Variants in SYT1 observed in about 807,000 individuals in gnomAD.
SYT1 encodes synaptotagmin 1, also known as synaptotagmin-1.
In SYT1, 8 loss-of-function variants were observed where a neutral mutation model predicts 44.8. The ratio of observed to expected loss-of-function variants is 0.18; its 90% CI spans 0.10 to 0.32. The LOEUF (loss-of-function observed/expected upper bound fraction) is 0.32. Ranked by LOEUF, SYT1 falls within the 10% of genes least tolerant of loss-of-function variation. The pLI is 1.00. For missense variants in SYT1, 286 were observed against 509.3 expected (o/e 0.56, Z 4.22); for synonymous variants, 154 against 188.8 (o/e 0.82, Z 1.51).
At chr12:79,006,763 A>C (rs1047148717) in intron 2 of SYT1, among the ~76,000 whole-genome samples, 2 of 152,012 alleles carry the variant, frequency 1.3e-5, no homozygotes, top group Non-Finnish European at 2.9e-5. Context: ...AAAGGGGAGG[A>C]TCCTGCAACA....
At chr12:79,078,758 G>GCC (rs1453103988) in intron 3 of SYT1, among the ~76,000 whole-genome samples, 3 of 152,002 alleles carry the variant, frequency 2.0e-5, no homozygotes, top group Non-Finnish European at 4.4e-5. Context: ...TGAAAAAACT[G>GCC]CCTTTTAAGA....
intron 3 of SYT1, among the ~76,000 whole-genome samples, chr12:79,070,729 A>G (rs1315684771): frequency 1.3e-5 from 2 of 152,114 alleles, no homozygotes; most frequent in Admixed American, 6.6e-5. Context: ...TGAAGAGGAA[A>G]GACAGCGACA....
chr12:78,913,490 A>G (rs1291925704), intron 1 of SYT1, among the ~76,000 whole-genome samples: 1 of 151,784 alleles, frequency 6.6e-6, no homozygotes, highest in African/African-American at 2.4e-5. Flanking sequence ...AAATCCATAC[A>G]TGCTTCAAAA....
Position 78,971,353 on chromosome 12 carries a change from T to A in SYT1, c.-216-6446T>A, listed in dbSNP as rs575999938. 2.0e-5 allele frequency among the ~76,000 whole-genome samples: 3 copies of A among 152,292 alleles called. No homozygotes were observed. In the South Asian group the frequency reaches 6.2e-4, roughly 32 times the overall value. On this transcript the variant is annotated intron_variant, in intron 1 of 10. Transcript: ENST00000261205. ...AAGAAATACATTCATCTGTCCTCAC[T>A]AACAAAGGACTAGAGAAAGTGAAGG...
At chr12:79,328,151 G>A (rs1303458756) in intron 8 of SYT1, among the ~76,000 whole-genome samples, 1 of 152,174 alleles carries the variant, frequency 6.6e-6, no homozygotes, top group Non-Finnish European at 1.5e-5. Flanking sequence ...ATATGGCTGT[G>A]AAGACAGAAT....
chr12:79,293,325 AAAAATAAAATAAAATAAAAT>A (rs71091659), intron 6 of SYT1, among the ~76,000 whole-genome samples: 9,146 of 111,364 alleles, frequency 0.082, 700 homozygotes, highest in Non-Finnish European at 0.097. Flanking sequence ...CTCCATCTCA[AAAAATAAAATAAAATAAAAT>A]AAAATAAAAT....
At chr12:79,163,491 AGTC>A (rs1191303730) in intron 3 of SYT1, among the ~76,000 whole-genome samples, 1 of 152,072 alleles carries the variant, frequency 6.6e-6, no homozygotes, top group Non-Finnish European at 1.5e-5. Context: ...ACTTTATGTA[AGTC>A]GTCTCCTATA....
At position 79,091,923 on chromosome 12, in the gene SYT1, G is replaced by A. The variant is rs554283639; in HGVS notation, c.-18+44561G>A. 1.3e-4 allele frequency among the ~76,000 whole-genome samples: 20 copies of A among 152,050 alleles called. No homozygotes were observed. The South Asian group carries it at 4.1e-3, about 31-fold the overall frequency. ...ATAATTTACAGAAGTACAGCAAAATGATGATTAATCATATAAGCTCATTTT... is the reference window on the plus strand; with the variant it reads ...ATAATTTACAGAAGTACAGCAAAATAATGATTAATCATATAAGCTCATTTT... On this transcript the variant is annotated intron_variant, in intron 3 of 10. Coordinates refer to ENST00000261205, the MANE Select transcript of SYT1 (RefSeq NM_005639.3).
At chr12:79,254,495 G>A (rs965603083) in intron 4 of SYT1, among the ~76,000 whole-genome samples, 1 of 152,202 alleles carries the variant, frequency 6.6e-6, no homozygotes, top group African/African-American at 2.4e-5. Flanking sequence ...GGAGATTGAT[G>A]TTGTTTTCAT....
At chr12:79,347,041 C>CTT (rs59524429) in intron 8 of SYT1, among the ~76,000 whole-genome samples, 35 of 125,940 alleles carry the variant, frequency 2.8e-4, no homozygotes, top group East Asian at 1.4e-3. Flanking sequence ...TTTGTTTTTT[C>CTT]TTTTTTTTTT....
intron 1 of SYT1, among the ~76,000 whole-genome samples, chr12:78,890,026 T>G (rs565754644): frequency 3.0e-4 from 45 of 152,064 alleles, no homozygotes; most frequent in Non-Finnish European, 4.1e-4. Flanking sequence ...GGCCTCTGTT[T>G]TATTTGATTA....
At chr12:79,172,542 GT>G (rs1871591996) in intron 3 of SYT1, among the ~76,000 whole-genome samples, 2 of 151,806 alleles carry the variant, frequency 1.3e-5, no homozygotes, top group Non-Finnish European at 2.9e-5. Context: ...TATGTTACTA[GT>G]TTTGCTTTCT....
At chr12:79,191,761 T>A (rs1873140874) in intron 3 of SYT1, among the ~76,000 whole-genome samples, 1 of 152,104 alleles carries the variant, frequency 6.6e-6, no homozygotes, top group African/African-American at 2.4e-5. Flanking sequence ...CACACATACA[T>A]AACATCTCCT....
At chr12:79,222,711 C>T (rs552746778) in intron 4 of SYT1, among the ~76,000 whole-genome samples, 2 of 152,256 alleles carry the variant, frequency 1.3e-5, no homozygotes, top group East Asian at 1.9e-4. Context: ...CACTCTTTGT[C>T]TCTGTCTTCT....
chr12:79,324,845 TTA>T (rs1268594206), intron 8 of SYT1, among the ~76,000 whole-genome samples: 1 of 152,138 alleles, frequency 6.6e-6, no homozygotes, highest in African/African-American at 2.4e-5. Context: ...ACATAAAGAC[TTA>T]TACCCTGGAA....
intron 3 of SYT1, among the ~76,000 whole-genome samples, chr12:79,167,682 C>G (rs7978972): frequency 8.4e-4 from 128 of 152,092 alleles, no homozygotes; most frequent in African/African-American, 2.9e-3. Flanking sequence ...TGTGGCTATA[C>G]TTTCCCCCAA....
At chr12:79,127,408 T>A (rs1868508668) in intron 3 of SYT1, among the ~76,000 whole-genome samples, 2 of 151,700 alleles carry the variant, frequency 1.3e-5, no homozygotes, top group South Asian at 4.1e-4. Context: ...CGAAACAGAT[T>A]GTGGTTCTAG....
chr12:79,265,677 C>T (rs561948236), intron 4 of SYT1, among the ~76,000 whole-genome samples: 2 of 152,176 alleles, frequency 1.3e-5, no homozygotes, highest in South Asian at 2.1e-4. Context: ...CCAATGTTAT[C>T]ATCTTTAAAA....
chr12:78,946,197 G>T (rs2137273045), intron 1 of SYT1, among the ~76,000 whole-genome samples: 1 of 152,204 alleles, frequency 6.6e-6, no homozygotes, highest in African/African-American at 2.4e-5. Flanking sequence ...ATTTCCAAAA[G>T]ATCATCTCTT....
Sources: allele counts gnomAD v4.1 joint callset (sites outside exome capture counted in the v4.1 genomes callset), GRCh38; gene constraint gnomAD v4.1.1; transcripts MANE v1.5; gene names NCBI Gene and HGNC (gene_info 2026-07-23, HGNC 2026-07-21).